Variants in ACOXL observed in about 807,000 individuals in gnomAD.
ACOXL encodes the protein acyl-CoA oxidase like.
In ACOXL, 70 loss-of-function variants were observed where a neutral mutation model predicts 71.9. That is an observed-to-expected ratio of 0.97 (90% CI 0.80 to 1.19). ACOXL has a LOEUF of 1.19. Among genes scored for constraint, ACOXL ranks in the 50% most tolerant of loss-of-function variants. The pLI is 0.00. For missense variants in ACOXL, 703 were observed against 736.3 expected (o/e 0.95, Z 0.52); for synonymous variants, 253 against 281.6 (o/e 0.90, Z 1.02).
chr2:110,857,050 G>A lies in ACOXL; in HGVS notation c.788+15645G>A, dbSNP rs553379647. 1.3e-5 allele frequency among the ~76,000 whole-genome samples: 2 copies of A among 152,260 alleles called. 1 individual carries two copies. Among genetic ancestry groups the A allele is most frequent in the Admixed American group, 1.3e-4 (2 of 15,298 alleles). On this transcript the variant is annotated intron_variant, in intron 10 of 17. Coordinates refer to ENST00000439055, the MANE Select transcript of ACOXL (RefSeq NM_001142807.4). ...GGCTTAACTATTTTAGATAGGAAGTGGATTGTTTTCTCTCTTAATGATTCC... is the reference window on the plus strand; with the variant it reads ...GGCTTAACTATTTTAGATAGGAAGTAGATTGTTTTCTCTCTTAATGATTCC...
In ACOXL at chr2:110,825,576, A is replaced by G. The variant is rs17041559; in HGVS notation, c.754-15795A>G. 1.3e-3 allele frequency among the ~76,000 whole-genome samples: 193 copies of G among 152,234 alleles called. 4 individuals are homozygous for G. In the East Asian group the frequency reaches 0.034, roughly 27 times the overall value. On this transcript the variant is annotated intron_variant, in intron 9 of 17. Coordinates refer to ENST00000439055, the MANE Select transcript of ACOXL (RefSeq NM_001142807.4). ...TTTCTTGGAGATTTTTTTCCAAATT[A>G]GCATGTAGACAACATCCTTAATTTT...
intron 9 of ACOXL, among the ~76,000 whole-genome samples, chr2:110,823,490 T>C (rs1425334157): frequency 1.3e-5 from 2 of 152,226 alleles, no homozygotes; most frequent in East Asian, 1.9e-4. Context: ...AGGAGGACTA[T>C]TGATGGATTA....
intron 12 of ACOXL, among the ~76,000 whole-genome samples, chr2:110,960,858 C>T (rs186344620): frequency 1.6e-3 from 250 of 152,306 alleles, no homozygotes; most frequent in Admixed American, 4.6e-3. Context: ...ATTTAAGTTA[C>T]TCAAGAAGAT....
chr2:111,051,965 C>T (rs2066310522), intron 16 of ACOXL, among the ~76,000 whole-genome samples: 2 of 152,152 alleles, frequency 1.3e-5, no homozygotes, highest in African/African-American at 4.8e-5. Flanking sequence ...AAAAGCCCCT[C>T]CCTCAATCAC....
At chr2:111,022,207 A>G (rs1574509062) in intron 14 of ACOXL, among the ~76,000 whole-genome samples, 1 of 152,004 alleles carries the variant, frequency 6.6e-6, no homozygotes, top group East Asian at 1.9e-4. Flanking sequence ...CACTAAACAA[A>G]TACAAAAATT....
intron 2 of ACOXL, among the ~76,000 whole-genome samples, chr2:110,772,090 C>T (rs1167885691): frequency 1.3e-5 from 2 of 152,230 alleles, no homozygotes. Context: ...TCAGTATTCA[C>T]AACATCCCTC....
At chr2:110,802,140 A>G (rs946776941) in intron 8 of ACOXL, among the ~76,000 whole-genome samples, 1 of 152,218 alleles carries the variant, frequency 6.6e-6, no homozygotes, top group African/African-American at 2.4e-5. Flanking sequence ...TAATATCACT[A>G]TAATGGACTG....
intron 16 of ACOXL, among the ~76,000 whole-genome samples, chr2:111,082,236 C>G (rs976844994): frequency 1.3e-4 from 19 of 151,998 alleles, no homozygotes; most frequent in Non-Finnish European, 2.5e-4. Flanking sequence ...AACAGGCAAC[C>G]TACAGAATGG....
rs138013276 is a variant in ACOXL, at chr2:110,968,085, A to G, written c.1060-19023A>G. On this transcript the variant is annotated intron_variant, in intron 12 of 17. Transcript: ENST00000439055. The stretch of plus-strand genomic sequence containing the variant: ...GCGCAGCATACGCACACGAACTGCC[A>G]AAATATGGTGTGAAGGTTGGCCTGA... 572 of 1,293,312 alleles carry G rather than the reference A, an allele frequency of 4.4e-4. 2 individuals are homozygous for G. The African/African-American group carries it at 7.6e-3, about 17-fold the overall frequency. 80.1% of individuals were successfully genotyped at this position (1,293,312 alleles called of 1,614,324 possible). A position where few individuals can be genotyped will look rare whatever the true frequency, so the allele number is the denominator to read the frequency against.
intron 10 of ACOXL, chr2:110,887,110 G>T: frequency 2.4e-6 from 1 of 413,142 alleles, no homozygotes; most frequent in Non-Finnish European, 4.4e-6. Context: ...ACGATCTGGG[G>T]TGGAAAAACT....
At chr2:111,047,354 CAAGT>C (rs931131566) in intron 15 of ACOXL, among the ~76,000 whole-genome samples, 66 of 152,238 alleles carry the variant, frequency 4.3e-4, no homozygotes, top group African/African-American at 1.5e-3. Flanking sequence ...TCTAAGGAAG[CAAGT>C]GTTTCAATTT....
intron 10 of ACOXL, among the ~76,000 whole-genome samples, chr2:110,851,634 A>G (rs1420328879): frequency 1.3e-5 from 2 of 152,104 alleles, no homozygotes; most frequent in Non-Finnish European, 2.9e-5. Context: ...GTGCAGCCCG[A>G]GGCACCACCT....
intron 12 of ACOXL, among the ~76,000 whole-genome samples, chr2:110,965,935 C>G (rs1321600368): frequency 6.6e-6 from 1 of 152,178 alleles, no homozygotes; most frequent in East Asian, 1.9e-4. Flanking sequence ...GACACCTAAT[C>G]CCCTAGCCAA....
chr2:111,051,960 C>A (rs188603586), intron 16 of ACOXL, among the ~76,000 whole-genome samples: 1 of 152,198 alleles, frequency 6.6e-6, no homozygotes, highest in African/African-American at 2.4e-5. Context: ...AAGTCAAAAG[C>A]CCCTCCCTCA....
intron 12 of ACOXL, among the ~76,000 whole-genome samples, chr2:110,971,240 T>C (rs556163031): frequency 2.1e-4 from 32 of 152,364 alleles, no homozygotes; most frequent in African/African-American, 7.2e-4. Flanking sequence ...GTAGCCATTA[T>C]GGAAATGCAA....
intron 10 of ACOXL, among the ~76,000 whole-genome samples, chr2:110,904,504 C>T (rs573237423): frequency 3.3e-5 from 5 of 152,232 alleles, no homozygotes; most frequent in South Asian, 2.1e-4. Flanking sequence ...GAAGACTGAG[C>T]GGGCCTTCCC....
At chr2:110,916,225 A>G (rs1282944146) in intron 11 of ACOXL, among the ~76,000 whole-genome samples, 1 of 150,708 alleles carries the variant, frequency 6.6e-6, no homozygotes, top group Non-Finnish European at 1.5e-5. Flanking sequence ...AAAGAAAACA[A>G]TTTTTGTGGC....
intron 10 of ACOXL, among the ~76,000 whole-genome samples, chr2:110,907,659 G>A (rs1012969878): frequency 1.3e-5 from 2 of 152,222 alleles, no homozygotes; most frequent in Admixed American, 1.3e-4. Context: ...TACAAAATGA[G>A]GCTGTACTCA....
intron 9 of ACOXL, among the ~76,000 whole-genome samples, chr2:110,840,119 T>C (rs1436033771): frequency 6.6e-6 from 1 of 152,086 alleles, no homozygotes; most frequent in Admixed American, 6.6e-5. Context: ...GCCTCCTGAG[T>C]AGCCGGGATT....
Sources: gnomAD v4.1 joint callset for allele counts (sites outside exome capture counted in the v4.1 genomes callset) on GRCh38, gnomAD v4.1.1 for gene constraint, MANE v1.5 for transcripts, NCBI Gene and HGNC (gene_info 2026-07-23, HGNC 2026-07-21) for gene names.